DUSP7: variants seen among roughly 807,000 people sequenced by gnomAD.
The protein encoded by DUSP7 is dual specificity protein phosphatase 7.
In DUSP7, 7 loss-of-function variants were observed where a neutral mutation model predicts 29.8. The observed-to-expected ratio is 0.24, with a 90% confidence interval of 0.13 to 0.44. The LOEUF is 0.44. Ranked by LOEUF, DUSP7 falls within the 20% of genes least tolerant of loss-of-function variation. The pLI is 1.00. For synonymous variants in DUSP7, 287 were observed against 275.4 expected, an observed-to-expected ratio of 1.04 and a Z score of -0.42; for missense variants, 400 against 583.7, an observed-to-expected ratio of 0.69 and a Z score of 3.24.
In DUSP7 at chr3:52,049,488, C is replaced by A. The variant is rs1206813914; in HGVS notation, c.*1327G>T. ...GCTGGTCCATCCTTGCCCCACTTGC[C>A]CCCGCCCTAGGGTTGAAATGGGTGC... On this transcript the variant is annotated 3_prime_UTR_variant, in exon 3 of 3. Coordinates refer to ENST00000495880, the MANE Select transcript of DUSP7 (RefSeq NM_001947.4). 1 of 152,290 alleles carries A rather than the reference C, an allele frequency of 6.6e-6. No individual in the cohort carries two copies. Among genetic ancestry groups the A allele is most frequent in the African/African-American group, 2.4e-5 (1 of 41,440 alleles). The allele number at this position is 152,290 out of a possible 1,614,324, so 9.4% of individuals were successfully genotyped here. A position where few individuals can be genotyped will look rare whatever the true frequency, so the allele number is the denominator to read the frequency against.
rs1230947070 is a variant in DUSP7, at chr3:52,050,679, C to A, written c.*136G>T. The A allele has an allele frequency of 1.9e-6, 2 of 1,054,010 alleles. No homozygotes were observed. Among genetic ancestry groups the A allele is most frequent in the East Asian group, 2.6e-5 (1 of 38,116 alleles). The allele number at this position is 1,054,010 out of a possible 1,614,324, so 65.3% of individuals were successfully genotyped here. The stretch of plus-strand genomic sequence containing the variant: ...AAGGATGGTGAGGGGCGCTCCGACA[C>A]CGATCAGCCTGGGCCTCTGGGCACA... On this transcript the variant is annotated 3_prime_UTR_variant, in exon 3 of 3. Coordinates refer to ENST00000495880, the MANE Select transcript of DUSP7 (RefSeq NM_001947.4). This position sits in a 1 kb window ranked among gnomAD's most constrained non-coding sequence, Gnocchi z 5.0.
rs1701899703 is a variant in DUSP7 at position 52,056,261 on chromosome 3, C to G, written c.106G>C (p.Gly36Arg). 2.2e-6 allele frequency: 3 copies of G among 1,340,186 alleles called. No homozygotes were observed. Among genetic ancestry groups the G allele is most frequent in the Non-Finnish European group, 2.9e-6 (3 of 1,052,454 alleles). 83.0% of individuals were successfully genotyped at this position (1,340,186 alleles called of 1,614,324 possible). Residue 36 changes from glycine to arginine, a missense_variant, in exon 1 of 3, where the codon GGG becomes CGG. Around this residue, in one of 4 missense-constraint regions of DUSP7, gnomAD observed 96 missense variants for 97.1 expected, o/e 0.99. Coordinates refer to ENST00000495880, the MANE Select transcript of DUSP7 (RefSeq NM_001947.4). The surrounding 1 kb of genome is among the most constrained non-coding windows in gnomAD (Gnocchi z 6.4). The stretch of plus-strand genomic sequence containing the variant: ...CCCGCCCCGGTGCCTGCGCCGGACC[C>G]CGACCCCGCACCGGGCTCGGACCCC... ...RAGSEPGAGS[G>R]SGAGTGAGAA...
Position 52,054,164 on chromosome 3 carries a change from G to A in DUSP7, c.728C>T (p.Ala243Val), listed in dbSNP as rs768317757. ...GTAGGGCAGGATCTGGACAGGGAAG[G>A]CTGGTTGGCTGGATGGCACAGGGCT... ...DGSPVPSSQPAFPVQILPYLY... is the reference protein window; with the variant it reads ...DGSPVPSSQPVFPVQILPYLY... Residue 243 changes from alanine (A) to valine (V), a missense_variant, in exon 2 of 3, where the codon GCC (alanine) becomes GTC (valine). Ala to Val is a moderately conservative substitution (Grantham distance 64). Transcript: ENST00000495880. This position sits in a 1 kb window ranked among gnomAD's most constrained non-coding sequence, Gnocchi z 4.1. 4 of 1,614,150 alleles carry A rather than the reference G, an allele frequency of 2.5e-6. No individual in the cohort carries two copies. Among genetic ancestry groups the A allele is most frequent in the East Asian group, 2.2e-5 (1 of 44,888 alleles).
rs148252582 is a variant in DUSP7 at position 52,053,816 on chromosome 3, G to A, written c.952+124C>T. 1 of 1,081,330 alleles carries A rather than the reference G, an allele frequency of 9.2e-7. No homozygotes were observed. Among genetic ancestry groups the A allele is most frequent in the Non-Finnish European group, 1.4e-6 (1 of 736,186 alleles). The allele number at this position is 1,081,330 out of a possible 1,614,324, so 67.0% of individuals were successfully genotyped here. ...TGGGTACACCCACGGGCACACGCTG[G>A]CACACGTAGGGCACACACAGGTCTC... On this transcript the variant is annotated intron_variant, in intron 2 of 2. Coordinates refer to ENST00000495880, the MANE Select transcript of DUSP7 (RefSeq NM_001947.4). The surrounding 1 kb of genome is among the most constrained non-coding windows in gnomAD (Gnocchi z 4.6).
chr3:52,055,978 G>A lies in DUSP7; in HGVS notation c.389C>T (p.Ala130Val), dbSNP rs879043778. ...CTCGTCGTAGAGCAGCACGGTGGCC[G>A]CCTTGCAGCGCGTGGCGAAGCGCTC... is the stretch of plus-strand genomic sequence containing the variant. ...DKERFATRCKAATVLLYDEAT... is the reference protein window; with the variant it reads ...DKERFATRCKVATVLLYDEAT... Residue 130 changes from alanine (A) to valine (V), a missense_variant, in exon 1 of 3, where the codon GCG becomes GTG. By Grantham distance (64) the Ala-to-Val change is moderately conservative. This residue lies in a region of DUSP7 where 223 missense variants were observed against 360.9 expected (regional missense o/e 0.62). Coordinates refer to ENST00000495880, the MANE Select transcript of DUSP7 (RefSeq NM_001947.4). 11 of 1,577,924 alleles carry A rather than the reference G, an allele frequency of 7.0e-6. No individual in the cohort carries two copies. Among genetic ancestry groups the A allele is most frequent in the Non-Finnish European group, 8.6e-6 (10 of 1,162,822 alleles).
At position 52,054,159 on chromosome 3, in the gene DUSP7, G is replaced by C. The variant is rs1701872953; in HGVS notation, c.733C>G (p.Pro245Ala). The C allele has an allele frequency of 6.2e-7, 1 of 1,614,058 alleles. No individual in the cohort carries two copies. The highest frequency in any genetic ancestry group is 1.7e-5 in the Admixed American group (1 of 60,000). The change falls in exon 2 of 3, where the codon CCT becomes GCT. Residue 245 changes from proline (P) to alanine (A), a missense_variant. This residue lies in a region of DUSP7 where 223 missense variants were observed against 360.9 expected (regional missense o/e 0.62). Transcript: ENST00000495880. The surrounding 1 kb of genome is among the most constrained non-coding windows in gnomAD (Gnocchi z 4.1). Reference sequence around the variant, plus strand: ...TAGAGGTAGGGCAGGATCTGGACAGGGAAGGCTGGTTGGCTGGATGGCACA... The same window carrying C: ...TAGAGGTAGGGCAGGATCTGGACAGCGAAGGCTGGTTGGCTGGATGGCACA... ...SPVPSSQPAF[P>A]VQILPYLYLG...
At position 52,051,260 on chromosome 3, in the gene DUSP7, C is replaced by T. The variant is rs1701844186; in HGVS notation, c.953-138G>A. ...CCGACCCCTGAGGGACCTGGCCAAGCCCAGTGTGGGTAGGGCAGCAACTTG... is the reference window on the plus strand; with the variant it reads ...CCGACCCCTGAGGGACCTGGCCAAGTCCAGTGTGGGTAGGGCAGCAACTTG... On this transcript the variant is annotated intron_variant, in intron 2 of 2. Coordinates refer to ENST00000495880, the MANE Select transcript of DUSP7 (RefSeq NM_001947.4). This position sits in a 1 kb window ranked among gnomAD's most constrained non-coding sequence, Gnocchi z 4.8. The T allele has an allele frequency of 1.0e-6, 1 of 965,170 alleles. No individual in the cohort carries two copies. The highest frequency in any genetic ancestry group is 1.5e-6 in the Non-Finnish European group (1 of 665,680). The allele number at this position is 965,170 out of a possible 1,614,324, so 59.8% of individuals were successfully genotyped here. A position where few individuals can be genotyped will look rare whatever the true frequency, so the allele number is the denominator to read the frequency against.
rs1701835118 is a variant in DUSP7 at position 52,050,543 on chromosome 3, G to T, written c.*272C>A. 3 of 368,102 alleles carry T rather than the reference G, an allele frequency of 8.1e-6. No individual in the cohort carries two copies. Among genetic ancestry groups the T allele is most frequent in the Admixed American group, 8.6e-5 (2 of 23,318 alleles). 22.8% of individuals were successfully genotyped at this position (368,102 alleles called of 1,614,324 possible). A position where few individuals can be genotyped will look rare whatever the true frequency, so the allele number is the denominator to read the frequency against. On this transcript the variant is annotated 3_prime_UTR_variant, in exon 3 of 3. Coordinates refer to ENST00000495880, the MANE Select transcript of DUSP7 (RefSeq NM_001947.4). This position sits in a 1 kb window ranked among gnomAD's most constrained non-coding sequence, Gnocchi z 5.0. Reference sequence around the variant, plus strand: ...CTGGCTGGGCTGTCAGCAGAAAGGAGCGTCCTGGACAGGATGAGGCCCTGG... The same window carrying T: ...CTGGCTGGGCTGTCAGCAGAAAGGATCGTCCTGGACAGGATGAGGCCCTGG...
chr3:52,056,030 A>T lies in DUSP7; in HGVS notation c.337T>A (p.Ser113Thr). The T allele has an allele frequency of 6.3e-7, 1 of 1,595,532 alleles. No individual in the cohort carries two copies. The highest frequency in any genetic ancestry group is 8.5e-7 in the Non-Finnish European group (1 of 1,171,626). The change falls in exon 1 of 3, where the codon TCC (serine) becomes ACC (threonine). Residue 113 changes from serine to threonine, a missense_variant. Around this residue, in one of 4 missense-constraint regions of DUSP7, gnomAD observed 223 missense variants for 360.9 expected, o/e 0.62. Transcript: ENST00000495880. This position sits in a 1 kb window ranked among gnomAD's most constrained non-coding sequence, Gnocchi z 6.4. ...TTGTCGGCGTGGTTGGGGATGATGG[A>T]GCGGATGGGCAGGTTGCCCTTGCGC... ...RLRKGNLPIR[S>T]IIPNHADKER...
At position 52,050,903 on chromosome 3, in the gene DUSP7, C is replaced by T. The variant is rs1701840318; in HGVS notation, c.1172G>A (p.Cys391Tyr). The change falls in exon 3 of 3, where the codon TGC (cysteine) becomes TAC (tyrosine). Residue 391 changes from cysteine to tyrosine, a missense_variant. By Grantham distance (194) the Cys-to-Tyr change is radical (BLOSUM62 -2). Transcript: ENST00000495880. This position sits in a 1 kb window ranked among gnomAD's most constrained non-coding sequence, Gnocchi z 5.0. The part of the protein sequence containing the change: ...FERTLGLSSP[C>Y]DNHASSEQLY... ...CTGCTCACTCGACGCGTGGTTGTCG[C>T]ACGGGCTGCTTAGCCCCAGCGTCCG... The T allele has an allele frequency of 6.2e-7, 1 of 1,614,270 alleles. No individual in the cohort carries two copies. The highest frequency in any genetic ancestry group is 8.5e-7 in the Non-Finnish European group (1 of 1,180,052).
At position 52,053,869 on chromosome 3, in the gene DUSP7, G is replaced by T. The variant is rs564641801; in HGVS notation, c.952+71C>A. The T allele has an allele frequency of 3.2e-6, 5 of 1,559,048 alleles. No homozygotes were observed. In the Admixed American group the frequency reaches 6.7e-5, roughly 21 times the overall value. ...CAGGCCCAGAGGTACCCAGTCAGGC[G>T]GGGGCGCCACCCAGAGTCCTGCATA... On this transcript the variant is annotated intron_variant, in intron 2 of 2. Coordinates refer to ENST00000495880, the MANE Select transcript of DUSP7 (RefSeq NM_001947.4). This position sits in a 1 kb window ranked among gnomAD's most constrained non-coding sequence, Gnocchi z 4.6.
Position 52,056,446 on chromosome 3 carries a change from G to T in DUSP7, c.-80C>A, listed in dbSNP as rs1447358548. On this transcript the variant is annotated 5_prime_UTR_variant, in exon 1 of 3. Transcript: ENST00000495880. The surrounding 1 kb of genome is among the most constrained non-coding windows in gnomAD (Gnocchi z 6.4). ...CCCCGGCCGCGCGGGCCCCAGCCGC[G>T]TCTCCGGGCGCCCGCCTCCCGCCGA... is the stretch of plus-strand genomic sequence containing the variant. 5 of 772,010 alleles carry T rather than the reference G, an allele frequency of 6.5e-6. No individual in the cohort carries two copies. Among genetic ancestry groups the T allele is most frequent in the Middle Eastern group, 6.5e-4 (1 of 1,540 alleles). 47.8% of individuals were successfully genotyped at this position (772,010 alleles called of 1,614,324 possible). A position where few individuals can be genotyped will look rare whatever the true frequency, so the allele number is the denominator to read the frequency against.
chr3:52,056,290 C>G lies in DUSP7; in HGVS notation c.77G>C (p.Arg26Pro). ...CCCCGCACCGGGCTCGGACCCCGCC[C>G]GGGTGCCCCCAGCCGCCGCCGCCCC... ...TSGAAAAGGT[R>P]AGSEPGAGSG... Residue 26 changes from arginine to proline, a missense_variant, in exon 1 of 3, where the codon CGG (arginine) becomes CCG (proline). Physicochemically the swap from Arg to Pro is moderately radical, Grantham distance 103. Around this residue, in one of 4 missense-constraint regions of DUSP7, gnomAD observed 96 missense variants for 97.1 expected, o/e 0.99. Transcript: ENST00000495880. This position sits in a 1 kb window ranked among gnomAD's most constrained non-coding sequence, Gnocchi z 6.4. The G allele has an allele frequency of 8.2e-7, 1 of 1,218,612 alleles. No individual in the cohort carries two copies. 75.5% of individuals were successfully genotyped at this position (1,218,612 alleles called of 1,614,324 possible). A position where few individuals can be genotyped will look rare whatever the true frequency, so the allele number is the denominator to read the frequency against.
chr3:52,056,096 C>T lies in DUSP7; in HGVS notation c.271G>A (p.Ala91Thr). 1 of 1,608,116 alleles carries T rather than the reference C, an allele frequency of 6.2e-7. No individual in the cohort carries two copies. The highest frequency in any genetic ancestry group is 8.5e-7 in the Non-Finnish European group (1 of 1,178,570). ...AGGCCCGGGATGGCCAGGTTGATGG[C>T]CGTCTCGATGTGCGACGACTCGAAG... The part of the protein sequence containing the change: ...ELFESSHIET[A>T]INLAIPGLML... Residue 91 changes from alanine (A) to threonine (T), a missense_variant, in exon 1 of 3, where the codon GCC becomes ACC. By Grantham distance (58) the Ala-to-Thr change is moderately conservative. Coordinates refer to ENST00000495880, the MANE Select transcript of DUSP7 (RefSeq NM_001947.4). The surrounding 1 kb of genome is among the most constrained non-coding windows in gnomAD (Gnocchi z 6.4).
Position 52,050,718 on chromosome 3 carries a change from G to T in DUSP7, c.*97C>A. ...CCTCTGGGCACAGGTGACATCTGGG[G>T]GTTCCTCAGGCCAGAGGTGGCGGGC... On this transcript the variant is annotated 3_prime_UTR_variant, in exon 3 of 3. Coordinates refer to ENST00000495880, the MANE Select transcript of DUSP7 (RefSeq NM_001947.4). The surrounding 1 kb of genome is among the most constrained non-coding windows in gnomAD (Gnocchi z 5.0). 1 of 1,346,012 alleles carries T rather than the reference G, an allele frequency of 7.4e-7. No homozygotes were observed. The highest frequency in any genetic ancestry group is 1.4e-5 in the South Asian group (1 of 69,302). 83.4% of individuals were successfully genotyped at this position (1,346,012 alleles called of 1,614,324 possible). A position where few individuals can be genotyped will look rare whatever the true frequency, so the allele number is the denominator to read the frequency against.
chr3:52,054,319 G>A lies in DUSP7; in HGVS notation c.573C>T (p.Asp191=). ...GCGAGCTGCTCGGCGAGGAAGAGCT[G>A]TCCACGTTGGTCTCGCAGTGCTCAG... is the stretch of plus-strand genomic sequence containing the variant. ...EYSEHCETNV[D]SSSSPSSSPP... Residue 191 remains aspartate (D), a synonymous_variant, in exon 2 of 3, where the codon GAC becomes GAT. Coordinates refer to ENST00000495880, the MANE Select transcript of DUSP7 (RefSeq NM_001947.4). The surrounding 1 kb of genome is among the most constrained non-coding windows in gnomAD (Gnocchi z 4.1). 6.4e-7 allele frequency: 1 copy of A among 1,571,678 alleles called. No homozygotes were observed. The highest frequency in any genetic ancestry group is 8.6e-7 in the Non-Finnish European group (1 of 1,158,056).
In DUSP7 at chr3:52,056,211, C is replaced by T. The variant is rs1400387321; in HGVS notation, c.156G>A (p.Met52Ile). The change falls in exon 1 of 3, where the codon ATG becomes ATA. Residue 52 changes from methionine to isoleucine, a missense_variant. Met to Ile is a conservative substitution (Grantham distance 10). Transcript: ENST00000495880. This position sits in a 1 kb window ranked among gnomAD's most constrained non-coding sequence, Gnocchi z 6.4. Reference sequence around the variant, plus strand: ...GCAGCCACTCGGCGCTCTTGCAGGGCATGGCCCCTGCCCCCGTCGCCGCGC... The same window carrying T: ...GCAGCCACTCGGCGCTCTTGCAGGGTATGGCCCCTGCCCCCGTCGCCGCGC... ...GAGAATGAGA[M>I]PCKSAEWLQE... is the part of the protein sequence containing the mutation. 10 of 1,514,584 alleles carry T rather than the reference C, an allele frequency of 6.6e-6. No homozygotes were observed. The highest frequency in any genetic ancestry group is 4.4e-4 in the Middle Eastern group (2 of 4,550). 93.8% of individuals were successfully genotyped at this position (1,514,584 alleles called of 1,614,324 possible).
intron 1 of DUSP7, among the ~76,000 whole-genome samples, chr3:52,055,121 T>A (rs1701885230): frequency 6.6e-6 from 1 of 152,202 alleles, no homozygotes; most frequent in African/African-American, 2.4e-5. Flanking sequence ...GCATGGGCCC[T>A]GCGCCCGAGG....
At position 52,054,324 on chromosome 3, in the gene DUSP7, C is replaced by T. The variant is rs750899605; in HGVS notation, c.568G>A (p.Val190Met). ...CTGCTCGGCGAGGAAGAGCTGTCCA[C>T]GTTGGTCTCGCAGTGCTCAGAGTAC... Reference protein sequence around the residue: ...TEYSEHCETNVDSSSSPSSSP... With the variant: ...TEYSEHCETNMDSSSSPSSSP... Residue 190 changes from valine (V) to methionine (M), a missense_variant, in exon 2 of 3, where the codon GTG (valine) becomes ATG (methionine). Physicochemically the swap from Val to Met is conservative, Grantham distance 21. Around this residue, in one of 4 missense-constraint regions of DUSP7, gnomAD observed 223 missense variants for 360.9 expected, o/e 0.62. Coordinates refer to ENST00000495880, the MANE Select transcript of DUSP7 (RefSeq NM_001947.4). This position sits in a 1 kb window ranked among gnomAD's most constrained non-coding sequence, Gnocchi z 4.1. 7.6e-6 allele frequency: 12 copies of T among 1,568,890 alleles called. No homozygotes were observed. The African/African-American group carries it at 9.5e-5, about 12-fold the overall frequency.
Sources: gnomAD v4.1 joint callset for allele counts (sites outside exome capture counted in the v4.1 genomes callset) on GRCh38, gnomAD v4.1.1 for gene constraint, gnomAD v4.1.1 regional missense constraint, Gnocchi (gnomAD v3.1) non-coding constraint, MANE v1.5 for transcripts, NCBI Gene and HGNC (gene_info 2026-07-23, HGNC 2026-07-21) for gene names.